Variants in AMPD3 observed in about 807,000 individuals in gnomAD.
The protein encoded by AMPD3 is AMP deaminase 3.
A neutral mutation model predicts 82.3 loss-of-function variants in AMPD3; 57 were observed. That is an observed-to-expected ratio of 0.69 (90% CI 0.56 to 0.86). The LOEUF is 0.86. AMPD3 is among the 40% of genes least tolerant of loss of function. The probability of loss-of-function intolerance (pLI) is 0.00; values close to 1 mark genes in which losing one functional copy is unlikely to be tolerated. For missense variants in AMPD3, 870 were observed against 1,003.8 expected, an observed-to-expected ratio of 0.87 and a Z score of 1.80; for synonymous variants, 381 against 394.7, an observed-to-expected ratio of 0.97 and a Z score of 0.41.
chr11:10,495,069 C>A (rs759457090), intron 8 of AMPD3, 39 bp downstream of exon 8: 1 of 1,613,690 alleles, frequency 6.2e-7, no homozygotes, highest in Admixed American at 1.7e-5. Context: ...CTCTCAGGTG[C>A]CTCCCAACAT....
intron 4 of AMPD3, among the ~76,000 whole-genome samples, chr11:10,483,674 G>A (rs1449773732): frequency 6.6e-6 from 1 of 152,242 alleles, no homozygotes; most frequent in Non-Finnish European, 1.5e-5. Context: ...TTGCATTAGG[G>A]CCTCCTGAGC....
intron 1 of AMPD3, among the ~76,000 whole-genome samples, chr11:10,460,505 TA>T (rs1848237648): frequency 1.3e-5 from 2 of 150,752 alleles, no homozygotes; most frequent in South Asian, 4.2e-4. Flanking sequence ...CTCCTAGGTT[TA>T]AGCAATTCTC....
intron 7 of AMPD3, chr11:10,494,674 C>T: frequency 1.0e-6 from 1 of 985,374 alleles, no homozygotes; most frequent in Non-Finnish European, 1.2e-6. Flanking sequence ...GCAGGTGGGG[C>T]CTCTGCTGTT....
Position 10,456,310 on chromosome 11 carries a change from G to T in AMPD3, c.-6+862G>T. ...ACCCAGCCAGCTGCACGCACGCACTGACTCAGCTGAGCCTCCTGGGTGGCA... is the reference window on the plus strand; with the variant it reads ...ACCCAGCCAGCTGCACGCACGCACTTACTCAGCTGAGCCTCCTGGGTGGCA... On this transcript the variant is annotated intron_variant, in intron 1 of 14. Coordinates refer to ENST00000396553, the MANE Select transcript of AMPD3 (RefSeq NM_001025389.2). The surrounding 1 kb of genome is among the most constrained non-coding windows in gnomAD (Gnocchi z 4.3). 2 of 1,609,026 alleles carry T rather than the reference G, an allele frequency of 1.2e-6. No homozygotes were observed. Among genetic ancestry groups the T allele is most frequent in the South Asian group, 2.2e-5 (2 of 90,694 alleles).
chr11:10,453,741 A>G (rs1470356939), upstream of AMPD3, among the ~76,000 whole-genome samples: 5 of 152,056 alleles, frequency 3.3e-5, no homozygotes, highest in Non-Finnish European at 7.4e-5. Flanking sequence ...GGTGCGCACC[A>G]CCATGCCCAG....
In AMPD3 at chr11:10,506,113, G is replaced by C. The variant is rs1213429566; in HGVS notation, c.*229G>C. The C allele has an allele frequency of 5.1e-6, 3 of 588,146 alleles. No individual in the cohort carries two copies. Among genetic ancestry groups the C allele is most frequent in the Non-Finnish European group, 9.1e-6 (3 of 328,216 alleles). The allele number at this position is 588,146 out of a possible 1,614,324, so 36.4% of individuals were successfully genotyped here. ...TTCTCCTTGGGGATCTGGGAGCTGA[G>C]CACTTGTCTATACTTGTTCCTAATT... On this transcript the variant is annotated 3_prime_UTR_variant, in exon 15 of 15. Transcript: ENST00000396553. The surrounding 1 kb of genome is among the most constrained non-coding windows in gnomAD (Gnocchi z 4.1).
chr11:10,500,100 C>A lies in AMPD3; in HGVS notation c.1572C>A (p.Asp524Glu). The change falls in exon 11 of 15, where the codon GAC becomes GAA. Residue 524 changes from aspartate to glutamate, a missense_variant. Physicochemically the swap from Asp to Glu is conservative, Grantham distance 45 (BLOSUM62 2). Transcript: ENST00000396553. ...CTCCTGCCCAGGTGACGGGGTTTGA[C>A]AGCGTGGATGATGAGTCCAAGCACA... ...HLFLKYVTGF[D>E]SVDDESKHSD... The A allele has an allele frequency of 6.2e-7, 1 of 1,614,184 alleles. No individual in the cohort carries two copies.
intron 6 of AMPD3, among the ~76,000 whole-genome samples, chr11:10,491,159 A>G (rs778644989): frequency 6.6e-6 from 1 of 152,208 alleles, no homozygotes; most frequent in Non-Finnish European, 1.5e-5. Context: ...CCGCAGCAGT[A>G]GCTCCAGAGT....
intron 2 of AMPD3, among the ~76,000 whole-genome samples, chr11:10,463,336 A>G (rs944532510): frequency 1.3e-5 from 2 of 152,246 alleles, no homozygotes; most frequent in African/African-American, 4.8e-5. Flanking sequence ...TGGTGAGCCC[A>G]TAAAGGCAGG....
At chr11:10,450,535 G>A (rs1379213837), upstream of AMPD3, 9 of 986,254 alleles carry the variant, frequency 9.1e-6, no homozygotes, top group Non-Finnish European at 1.1e-5. Context: ...GGCGGCACGG[G>A]GAGCGGTGTG....
chr11:10,485,796 G>A (rs61891415), intron 5 of AMPD3, among the ~76,000 whole-genome samples: 2,316 of 152,028 alleles, frequency 0.015, 41 homozygotes, highest in African/African-American at 0.044. Context: ...CATGATGCTC[G>A]TGGGCTTGGC....
intron 2 of AMPD3, among the ~76,000 whole-genome samples, chr11:10,477,509 A>T (rs1329848350): frequency 6.6e-6 from 1 of 152,192 alleles, no homozygotes; most frequent in Admixed American, 6.5e-5. Flanking sequence ...TGTCTGTTTC[A>T]TGAATGAGGA....
chr11:10,505,428 C>T, intron 14 of AMPD3: 5 of 985,270 alleles, frequency 5.1e-6, no homozygotes, highest in Non-Finnish European at 6.0e-6. Flanking sequence ...TTCCCATCCC[C>T]AGCAGCTGCT....
Position 10,502,865 on chromosome 11 carries a change from G to A in AMPD3, c.1987G>A (p.Asp663Asn), listed in dbSNP as rs757995637. 15 of 1,614,048 alleles carry A rather than the reference G, an allele frequency of 9.3e-6. No individual in the cohort carries two copies. The East Asian group carries it at 1.1e-4, about 12-fold the overall frequency. The change falls in exon 13 of 15, where the codon GAT becomes AAT. Residue 663 changes from aspartate to asparagine, a missense_variant. Physicochemically the swap from Asp to Asn is conservative, Grantham distance 23. Coordinates refer to ENST00000396553, the MANE Select transcript of AMPD3 (RefSeq NM_001025389.2). ...HKGLHVSLST[D>N]DPMQFHYTKE... ...GGGACTGCATGTTTCTCTTTCCACC[G>A]ATGACCCCATGCAGTTCCACTACAC...
In AMPD3 at chr11:10,506,895, T is replaced by TTGTGTG. The variant is rs34205084; in HGVS notation, c.*1027_*1032dup. 16 of 146,958 alleles carry TTGTGTG rather than the reference T, an allele frequency of 1.1e-4. No individual in the cohort carries two copies. The highest frequency in any genetic ancestry group is 3.2e-4 in the African/African-American group (13 of 40,706). 9.1% of individuals were successfully genotyped at this position (146,958 alleles called of 1,614,324 possible). ...TTCCATTAGACCCCACAAATGTTAG[T>TTGTGTG]TGTGTGTGTGTGTGTGTGTGTTTTT... On this transcript the variant is annotated 3_prime_UTR_variant, in exon 15 of 15. Transcript: ENST00000396553. The surrounding 1 kb of genome is among the most constrained non-coding windows in gnomAD (Gnocchi z 4.1).
rs1352951203 is a variant in AMPD3, at chr11:10,500,219, C to T, written c.1691C>T (p.Ala564Val). ...PYSYYLYYMY[A>V]NIMVLNNLRR... ...AGCTACTACCTGTACTACATGTATG[C>T]CAACATCATGGTGCTCAACAACCTC... The change falls in exon 11 of 15, where the codon GCC becomes GTC. Residue 564 changes from alanine (A) to valine (V), a missense_variant. Transcript: ENST00000396553. The T allele has an allele frequency of 6.2e-7, 1 of 1,614,244 alleles. No homozygotes were observed.
intron 10 of AMPD3, 154 bp from the exon 11 acceptor site, chr11:10,499,932 T>C: frequency 1.0e-6 from 1 of 981,426 alleles, no homozygotes; most frequent in Non-Finnish European, 1.2e-6. Context: ...CTGGGAGGAA[T>C]ATGGCCTCAG....
chr11:10,477,321 A>G (rs1194939492), intron 2 of AMPD3, among the ~76,000 whole-genome samples: 1 of 152,198 alleles, frequency 6.6e-6, no homozygotes, highest in East Asian at 1.9e-4. Context: ...GGCCCATGGC[A>G]CAAGGTAGGG....
chr11:10,482,088 C>T lies in AMPD3; in HGVS notation c.452C>T (p.Ala151Val). ...AGITLEDYEQ[A>V]AKSLAKALMI... The stretch of plus-strand genomic sequence containing the variant: ...ATCACTTTGGAGGACTATGAGCAGG[C>T]AGCCAAGAGTCTGGCCAAGGCCCTA... The change falls in exon 4 of 15, where the codon GCA (alanine) becomes GTA (valine). Residue 151 changes from alanine (A) to valine (V), a missense_variant. Transcript: ENST00000396553. The T allele has an allele frequency of 6.2e-7, 1 of 1,614,204 alleles. No homozygotes were observed.
Sources: allele counts gnomAD v4.1 joint callset (sites outside exome capture counted in the v4.1 genomes callset), GRCh38; gene constraint gnomAD v4.1.1; non-coding constraint Gnocchi (gnomAD v3.1); transcripts MANE v1.5; gene names NCBI Gene and HGNC (gene_info 2026-07-23, HGNC 2026-07-21).